Variants in CALCR observed in about 807,000 individuals in gnomAD.
The protein encoded by CALCR is calcitonin receptor.
Under a neutral mutation model 59.5 loss-of-function variants are expected in CALCR, and 47 were observed. The observed-to-expected ratio is 0.79, with a 90% CI of 0.63 to 1.01. The LOEUF (loss-of-function observed/expected upper bound fraction) is 1.01. Among genes scored for constraint, CALCR ranks in the 50% least tolerant of loss-of-function variants. CALCR has a pLI of 0.00. For synonymous variants in CALCR, 213 were observed against 211.3 expected, an observed-to-expected ratio of 1.01 and a Z score of -0.07; for missense variants, 566 against 597.1, an observed-to-expected ratio of 0.95 and a Z score of 0.54.
At chr7:93,434,468 A>G (rs1202194995) in intron 12 of CALCR, among the ~76,000 whole-genome samples, 174 bp from the exon 13 acceptor site, 4 of 151,914 alleles carry the variant, frequency 2.6e-5, no homozygotes, top group Non-Finnish European at 5.9e-5. Flanking sequence ...CCTTAGAAAT[A>G]TATTTTTCTT....
At chr7:93,564,930 T>C (rs7783670) in intron 2 of CALCR, among the ~76,000 whole-genome samples, 53,243 of 152,052 alleles carry the variant, frequency 0.35, 12,202 homozygotes, top group African/African-American at 0.65. Context: ...TTAGGAAGGC[T>C]GGCTTCTAGA....
intron 2 of CALCR, among the ~76,000 whole-genome samples, chr7:93,568,555 CTG>C (rs1265402168): frequency 4.6e-4 from 64 of 139,456 alleles, no homozygotes; most frequent in African/African-American, 1.4e-3. Flanking sequence ...CTCTCTCTCT[CTG>C]TCTCTCTCCT....
intron 2 of CALCR, among the ~76,000 whole-genome samples, chr7:93,492,405 C>T (rs1025518672): frequency 5.3e-5 from 8 of 151,320 alleles, no homozygotes; most frequent in Non-Finnish European, 1.2e-4. Flanking sequence ...AAATTACTGT[C>T]TACAATGTAT....
At position 93,496,507 on chromosome 7, in the gene CALCR, T is replaced by G. The variant is rs191072526; in HGVS notation, c.-26-9500A>C. Among the ~76,000 whole-genome samples, 401 of 151,600 alleles carry G rather than the reference T, an allele frequency of 2.6e-3. 1 individual carries two copies. Among genetic ancestry groups the G allele is most frequent in the Non-Finnish European group, 3.8e-3 (257 of 67,638 alleles). On this transcript the variant is annotated intron_variant, in intron 2 of 13. Coordinates refer to ENST00000426151, the MANE Select transcript of CALCR (RefSeq NM_001742.4). Reference sequence around the variant, plus strand: ...AACGAGCTGCCCTTTCACTTATAATTTTCTCTCTTTCCCCTTCATGAAGCA... The same window carrying G: ...AACGAGCTGCCCTTTCACTTATAATGTTCTCTCTTTCCCCTTCATGAAGCA...
At position 93,491,031 on chromosome 7, in the gene CALCR, A is replaced by T. The variant is rs142907949; in HGVS notation, c.-26-4024T>A. The stretch of plus-strand genomic sequence containing the variant: ...ATGCTATAAGGCTACAGTAACCAAA[A>T]CAGCATGGCACTGGTACCAAAACAG... On this transcript the variant is annotated intron_variant, in intron 2 of 13. Coordinates refer to ENST00000426151, the MANE Select transcript of CALCR (RefSeq NM_001742.4). Among the ~76,000 whole-genome samples, 789 of 152,200 alleles carry T rather than the reference A, an allele frequency of 5.2e-3. 2 individuals are homozygous for T. Among genetic ancestry groups the T allele is most frequent in the Non-Finnish European group, 9.1e-3 (616 of 67,988 alleles).
intron 8 of CALCR, among the ~76,000 whole-genome samples, chr7:93,446,481 C>T (rs1800007965): frequency 6.6e-6 from 1 of 151,978 alleles, no homozygotes; most frequent in Non-Finnish European, 1.5e-5. Context: ...GATTAAGAAT[C>T]CTGTGCCCAA....
intron 2 of CALCR, among the ~76,000 whole-genome samples, chr7:93,488,654 A>G (rs938804896): frequency 6.7e-6 from 1 of 149,736 alleles, no homozygotes; most frequent in Non-Finnish European, 1.5e-5. Context: ...CCAACAAGAT[A>G]AAAAAAAAGA....
At chr7:93,469,370 A>T (rs1800506865) in intron 6 of CALCR, among the ~76,000 whole-genome samples, 1 of 150,794 alleles carries the variant, frequency 6.6e-6, no homozygotes, top group South Asian at 2.1e-4. Context: ...TTATTCTCCC[A>T]TAATGTTATG....
At chr7:93,460,595 A>ATATG (rs1554397838) in intron 8 of CALCR, among the ~76,000 whole-genome samples, 803 of 75,598 alleles carry the variant, frequency 0.011, 10 homozygotes, top group South Asian at 0.012. Context: ...ATATATATGT[A>ATATG]TATATATATA....
At chr7:93,464,575 A>G (rs1408103685) in intron 7 of CALCR, among the ~76,000 whole-genome samples, 2 of 152,020 alleles carry the variant, frequency 1.3e-5, no homozygotes. Context: ...TATATTATAT[A>G]TCTTCCCTAT....
At chr7:93,500,499 C>G (rs1327383367) in intron 2 of CALCR, among the ~76,000 whole-genome samples, 4 of 151,916 alleles carry the variant, frequency 2.6e-5, no homozygotes, top group African/African-American at 9.7e-5. Flanking sequence ...CCTGTTGTAC[C>G]AATACTTACT....
chr7:93,524,266 T>C (rs1474380242), intron 2 of CALCR, among the ~76,000 whole-genome samples: 1 of 151,456 alleles, frequency 6.6e-6, no homozygotes, highest in Non-Finnish European at 1.5e-5. Context: ...GCCTCCCTGG[T>C]TCACGCCATT....
In CALCR at chr7:93,425,238, T is replaced by TC; in HGVS notation, c.*1117dup. Reference sequence around the variant, plus strand: ...GTTAAATTTGGAGCAGTTAATTTTTTCCCCTCCTGTTTTGGTAATAACAAG... The same window carrying TC: ...GTTAAATTTGGAGCAGTTAATTTTTTCCCCCTCCTGTTTTGGTAATAACAAG... On this transcript the variant is annotated 3_prime_UTR_variant, in exon 14 of 14. Coordinates refer to ENST00000426151, the MANE Select transcript of CALCR (RefSeq NM_001742.4). 1 of 152,708 alleles carries TC rather than the reference T, an allele frequency of 6.5e-6. No homozygotes were observed. The highest frequency in any genetic ancestry group is 6.5e-5 in the Admixed American group (1 of 15,294). 9.5% of individuals were successfully genotyped at this position (152,708 alleles called of 1,614,324 possible).
chr7:93,521,056 T>C (rs1461142080), intron 2 of CALCR, among the ~76,000 whole-genome samples: 1 of 152,142 alleles, frequency 6.6e-6, no homozygotes, highest in Non-Finnish European at 1.5e-5. Context: ...TTCCCTATGT[T>C]TCACAGCCAG....
intron 2 of CALCR, among the ~76,000 whole-genome samples, chr7:93,545,804 G>A (rs1194404556): frequency 6.6e-6 from 1 of 152,006 alleles, no homozygotes; most frequent in Non-Finnish European, 1.5e-5. Flanking sequence ...TCTGACAAGG[G>A]TGGAGATTGG....
intron 2 of CALCR, among the ~76,000 whole-genome samples, chr7:93,496,877 G>C (rs953805065): frequency 1.3e-5 from 2 of 151,604 alleles, no homozygotes; most frequent in Admixed American, 1.3e-4. Context: ...CACAGGATAG[G>C]CTGGTTTGCT....
intron 2 of CALCR, among the ~76,000 whole-genome samples, chr7:93,496,143 T>C (rs1335365338): frequency 2.6e-5 from 4 of 151,422 alleles, no homozygotes; most frequent in Admixed American, 6.6e-5. Context: ...TTCTTATAGA[T>C]TGGCATTTCC....
chr7:93,563,670 T>C (rs1208730857), intron 2 of CALCR, among the ~76,000 whole-genome samples: 1 of 152,230 alleles, frequency 6.6e-6, no homozygotes, highest in Non-Finnish European at 1.5e-5. Flanking sequence ...TTTCTACCCA[T>C]GGATCTGCTG....
intron 2 of CALCR, among the ~76,000 whole-genome samples, chr7:93,502,332 A>T (rs13231232): frequency 6.6e-6 from 1 of 151,980 alleles, no homozygotes; most frequent in Non-Finnish European, 1.5e-5. Context: ...TAAGCGGCAG[A>T]GACAGAACTT....
Sources: allele counts gnomAD v4.1 joint callset (sites outside exome capture counted in the v4.1 genomes callset), GRCh38; gene constraint gnomAD v4.1.1; transcripts MANE v1.5; gene names NCBI Gene and HGNC (gene_info 2026-07-23, HGNC 2026-07-21).